Variants in NAA30 observed in about 807,000 individuals in gnomAD.
NAA30 encodes N-alpha-acetyltransferase 30.
NAA30 carries 5 observed loss-of-function variants against 31.4 expected under a neutral mutation model. That is an observed-to-expected ratio of 0.16 (90% confidence interval 0.08 to 0.33). NAA30 has a LOEUF of 0.33. Ranked by LOEUF, NAA30 falls within the 10% of genes least tolerant of loss-of-function variation. The pLI is 1.00. For synonymous variants in NAA30, 222 were observed against 207.1 expected, an observed-to-expected ratio of 1.07 and a Z score of -0.62; for missense variants, 428 against 490.8, an observed-to-expected ratio of 0.87 and a Z score of 1.21.
intron 4 of NAA30, among the ~76,000 whole-genome samples, chr14:57,400,085 A>G (rs904671773): frequency 6.6e-6 from 1 of 152,200 alleles, no homozygotes; most frequent in Admixed American, 6.5e-5. Flanking sequence ...AATTTCTTCA[A>G]AATGTGTGGG....
At chr14:57,400,636 T>G (rs1246000785) in intron 4 of NAA30, among the ~76,000 whole-genome samples, 1 of 152,188 alleles carries the variant, frequency 6.6e-6, no homozygotes, top group African/African-American at 2.4e-5. Context: ...CAGATGTGCC[T>G]TAGAGAATTC....
At chr14:57,398,969 G>A (rs901062628) in intron 3 of NAA30, among the ~76,000 whole-genome samples, 2 of 151,404 alleles carry the variant, frequency 1.3e-5, no homozygotes, top group Non-Finnish European at 2.9e-5. Context: ...ATGGGGTTTT[G>A]CCATGACCTC....
intron 2 of NAA30, among the ~76,000 whole-genome samples, chr14:57,393,362 T>C (rs951809519): frequency 2.0e-5 from 3 of 152,196 alleles, no homozygotes; most frequent in African/African-American, 7.2e-5. Context: ...GTTTGTTTAA[T>C]ATTCTGAGTA....
chr14:57,398,843 G>A (rs1336043757), intron 3 of NAA30, among the ~76,000 whole-genome samples: 1 of 151,960 alleles, frequency 6.6e-6, no homozygotes, highest in East Asian at 1.9e-4. Context: ...CGTCATGTTG[G>A]CCAGGCTGGT....
chr14:57,391,460 G>T lies in NAA30; in HGVS notation c.503G>T (p.Gly168Val). The T allele has an allele frequency of 6.2e-7, 1 of 1,610,812 alleles. No individual in the cohort carries two copies. Among genetic ancestry groups the T allele is most frequent in the South Asian group, 1.1e-5 (1 of 90,934 alleles). ...AGCGATCCCGCGGCGGCCCGCAATG[G>T]ACTGGCCGAGGGCACCGAGCAGGAG... ...AASDPAAARN[G>V]LAEGTEQEEE... Residue 168 changes from glycine (G) to valine (V), a missense_variant, in exon 2 of 5, where the codon GGA becomes GTA. This residue lies in a region of NAA30 where 349 missense variants were observed against 310.4 expected (regional missense o/e 1.12). Transcript: ENST00000556492. The surrounding 1 kb of genome is among the most constrained non-coding windows in gnomAD (Gnocchi z 4.1).
rs901877148 is a variant in NAA30, at chr14:57,410,296, A to G, written c.*780A>G. On this transcript the variant is annotated 3_prime_UTR_variant, in exon 5 of 5. Transcript: ENST00000556492. ...TTAGAAGTCCCTTTTTCCTTACAGT[A>G]ACAAGTTGAATCTACTTGGAAAATT... The G allele has an allele frequency of 2.6e-5, 4 of 152,606 alleles. No homozygotes were observed. Among genetic ancestry groups the G allele is most frequent in the African/African-American group, 7.2e-5 (3 of 41,452 alleles). 9.5% of individuals were successfully genotyped at this position (152,606 alleles called of 1,614,324 possible).
intron 3 of NAA30, among the ~76,000 whole-genome samples, chr14:57,399,366 G>A (rs1219059590): frequency 6.6e-6 from 1 of 152,162 alleles, no homozygotes; most frequent in Non-Finnish European, 1.5e-5. Flanking sequence ...AACCTACTGT[G>A]GGTAACAGCA....
chr14:57,409,656 C>A lies in NAA30; in HGVS notation c.*140C>A. 1.3e-6 allele frequency: 1 copy of A among 741,674 alleles called. No individual in the cohort carries two copies. The highest frequency in any genetic ancestry group is 2.0e-6 in the Non-Finnish European group (1 of 501,112). 45.9% of individuals were successfully genotyped at this position (741,674 alleles called of 1,614,324 possible). ...TGTCAGTGTCTCATTGAGTGTCGCACAATATTTGTTGCACTTTGGCATGGC... is the reference window on the plus strand; with the variant it reads ...TGTCAGTGTCTCATTGAGTGTCGCAAAATATTTGTTGCACTTTGGCATGGC... On this transcript the variant is annotated 3_prime_UTR_variant, in exon 5 of 5. Transcript: ENST00000556492.
chr14:57,394,341 T>C (rs1201295973), intron 2 of NAA30, among the ~76,000 whole-genome samples: 1 of 152,192 alleles, frequency 6.6e-6, no homozygotes, highest in Non-Finnish European at 1.5e-5. Context: ...TGGGAATCTC[T>C]CACTTTATTT....
At chr14:57,397,200 T>G (rs2066454431) in intron 3 of NAA30, among the ~76,000 whole-genome samples, 1 of 152,194 alleles carries the variant, frequency 6.6e-6, no homozygotes, top group Admixed American at 6.5e-5. Context: ...TATAATTACA[T>G]TATGATGGTC....
rs945759046 is a variant in NAA30 at position 57,391,840 on chromosome 14, A to G, written c.771+112A>G. The G allele has an allele frequency of 3.1e-5, 25 of 796,022 alleles. No individual in the cohort carries two copies. The highest frequency in any genetic ancestry group is 5.1e-5 in the Non-Finnish European group (25 of 490,408). 49.3% of individuals were successfully genotyped at this position (796,022 alleles called of 1,614,324 possible). On this transcript the variant is annotated intron_variant, in intron 2 of 4. Coordinates refer to ENST00000556492, the MANE Select transcript of NAA30 (RefSeq NM_001011713.3). This position sits in a 1 kb window ranked among gnomAD's most constrained non-coding sequence, Gnocchi z 4.1. ...GATATCTCCTGCTGCGTATCATAGT[A>G]CGTTATATGATGTCAAGTGCTGTAC... is the stretch of plus-strand genomic sequence containing the variant.
chr14:57,408,436 A>G (rs1464186461), intron 4 of NAA30, among the ~76,000 whole-genome samples: 2 of 152,226 alleles, frequency 1.3e-5, no homozygotes, highest in African/African-American at 4.8e-5. Context: ...GCTCAGTAAT[A>G]TTTCAAAAGA....
intron 2 of NAA30, 80 bp from the exon 3 acceptor site, chr14:57,396,672 G>T (rs1370589245): frequency 4.1e-6 from 6 of 1,478,068 alleles, no homozygotes; most frequent in Non-Finnish European, 5.6e-6. Flanking sequence ...GCTTACCAAT[G>T]GTTGGTTGTT....
chr14:57,399,846 A>C lies in NAA30; in HGVS notation c.914A>C (p.Lys305Thr). 6.5e-7 allele frequency: 1 copy of C among 1,545,806 alleles called. No individual in the cohort carries two copies. The highest frequency in any genetic ancestry group is 8.9e-7 in the Non-Finnish European group (1 of 1,121,308). The stretch of plus-strand genomic sequence containing the variant: ...ATTCTAGGTACTAACTTGGTTAAGA[A>C]AGCTATATATGCCATGGTTGAGGGA... ...RNGIGTNLVKKAIYAMVEGDC... is the reference protein window; with the variant it reads ...RNGIGTNLVKTAIYAMVEGDC... Residue 305 changes from lysine to threonine, a missense_variant, in exon 4 of 5, where the codon AAA becomes ACA. Lys to Thr is a moderately conservative substitution (Grantham distance 78). Coordinates refer to ENST00000556492, the MANE Select transcript of NAA30 (RefSeq NM_001011713.3).
At chr14:57,398,602 C>T (rs1225201710) in intron 3 of NAA30, among the ~76,000 whole-genome samples, 2 of 151,648 alleles carry the variant, frequency 1.3e-5, no homozygotes, top group Non-Finnish European at 2.9e-5. Flanking sequence ...GGACTACAGG[C>T]ACACACCACC....
rs1033267243 is a variant in NAA30 at position 57,414,687 on chromosome 14, A to G, written c.*5171A>G. The G allele has an allele frequency of 6.6e-6, 1 of 152,228 alleles. No homozygotes were observed. The highest frequency in any genetic ancestry group is 1.5e-5 in the Non-Finnish European group (1 of 68,046). The allele number at this position is 152,228 out of a possible 1,614,324, so 9.4% of individuals were successfully genotyped here. On this transcript the variant is annotated 3_prime_UTR_variant, in exon 5 of 5. Transcript: ENST00000556492. ...AACCAGATTAATTTTTCTGCCTTCCATCACCGCAGTGTATTACCTTTGACC... is the reference window on the plus strand; with the variant it reads ...AACCAGATTAATTTTTCTGCCTTCCGTCACCGCAGTGTATTACCTTTGACC...
rs930503504 is a variant in NAA30 at position 57,411,036 on chromosome 14, G to C, written c.*1520G>C. On this transcript the variant is annotated 3_prime_UTR_variant, in exon 5 of 5. Coordinates refer to ENST00000556492, the MANE Select transcript of NAA30 (RefSeq NM_001011713.3). ...CTACCTCCATTAACAGTTGGTAAAG[G>C]CCCCTTTTCAGGAAAGTTTGTTGCT... 6 of 148,964 alleles carry C rather than the reference G, an allele frequency of 4.0e-5. No homozygotes were observed. The highest frequency in any genetic ancestry group is 8.9e-5 in the Non-Finnish European group (6 of 67,436). The allele number at this position is 148,964 out of a possible 1,614,324, so 9.2% of individuals were successfully genotyped here.
At chr14:57,403,446 G>C (rs2066485597) in intron 4 of NAA30, among the ~76,000 whole-genome samples, 1 of 152,172 alleles carries the variant, frequency 6.6e-6, no homozygotes, top group South Asian at 2.1e-4. Context: ...TCCAAATAAT[G>C]CTGCACTGTT....
Position 57,391,072 on chromosome 14 carries a change from A to G in NAA30, c.115A>G (p.Ser39Gly). 6.5e-7 allele frequency: 1 copy of G among 1,534,538 alleles called. No homozygotes were observed. The highest frequency in any genetic ancestry group is 8.7e-7 in the Non-Finnish European group (1 of 1,145,838). Residue 39 changes from serine (S) to glycine (G), a missense_variant, in exon 2 of 5, where the codon AGC (serine) becomes GGC (glycine). This residue lies in a region of NAA30 where 349 missense variants were observed against 310.4 expected (regional missense o/e 1.12). Transcript: ENST00000556492. The surrounding 1 kb of genome is among the most constrained non-coding windows in gnomAD (Gnocchi z 4.1). ...FPAGAALACCSEDEEDDEEHE... is the reference protein window; with the variant it reads ...FPAGAALACCGEDEEDDEEHE... ...GGCGGGGGCCGCCCTCGCCTGCTGCAGCGAGGACGAGGAGGACGACGAAGA... is the reference window on the plus strand; with the variant it reads ...GGCGGGGGCCGCCCTCGCCTGCTGCGGCGAGGACGAGGAGGACGACGAAGA...
Sources: gnomAD v4.1 joint callset for allele counts (sites outside exome capture counted in the v4.1 genomes callset) on GRCh38, gnomAD v4.1.1 for gene constraint, gnomAD v4.1.1 regional missense constraint, Gnocchi (gnomAD v3.1) non-coding constraint, MANE v1.5 for transcripts, NCBI Gene and HGNC (gene_info 2026-07-23, HGNC 2026-07-21) for gene names.